DGLUCY: variants seen among roughly 807,000 people sequenced by gnomAD.
DGLUCY encodes the protein D-glutamate cyclase, mitochondrial.
In DGLUCY, 58 loss-of-function variants were observed where a neutral mutation model predicts 58.5. That is an observed-to-expected ratio of 0.99 (90% CI 0.80 to 1.23). The LOEUF is 1.23. DGLUCY is among the 50% of genes most tolerant of loss of function. The pLI is 0.00. For missense variants in DGLUCY, 779 were observed against 784.7 expected (o/e 0.99, Z 0.09); for synonymous variants, 325 against 314.1 (o/e 1.03, Z -0.37).
At chr14:91,067,273 G>C (rs2043839912) in intron 1 of DGLUCY, among the ~76,000 whole-genome samples, 1 of 151,980 alleles carries the variant, frequency 6.6e-6, no homozygotes, top group East Asian at 1.9e-4. Flanking sequence ...GGAGAGATGA[G>C]AAGTTTAGGT....
At chr14:91,084,204 CTTT>C (rs35881437) in intron 1 of DGLUCY, among the ~76,000 whole-genome samples, 9 of 136,616 alleles carry the variant, frequency 6.6e-5, no homozygotes, top group Admixed American at 7.4e-5. Context: ...ATCTGTCTCT[CTTT>C]TTTTTTTTTT....
intron 13 of DGLUCY, chr14:91,220,611 C>T (rs547609417): frequency 6.1e-4 from 277 of 456,316 alleles, no homozygotes; most frequent in Admixed American, 1.1e-3. Flanking sequence ...TGTCTTTCCC[C>T]GTGTGGCTGG....
intron 3 of DGLUCY, among the ~76,000 whole-genome samples, chr14:91,163,897 A>G (rs1361431795): frequency 6.6e-6 from 1 of 152,206 alleles, no homozygotes; most frequent in Non-Finnish European, 1.5e-5. Context: ...ACATGGGTTG[A>G]TAGAGCAAAT....
intron 3 of DGLUCY, chr14:91,165,302 A>G (rs2048215972): frequency 2.2e-6 from 1 of 455,858 alleles, no homozygotes; most frequent in South Asian, 1.6e-5. Context: ...GGTGCTCAAT[A>G]ACTTACATAC....
chr14:91,084,776 G>A (rs1354278122), intron 1 of DGLUCY, among the ~76,000 whole-genome samples: 1 of 152,218 alleles, frequency 6.6e-6, no homozygotes, highest in Non-Finnish European at 1.5e-5. Context: ...TGAAGTGGGT[G>A]TGAGGATGTG....
intron 13 of DGLUCY, among the ~76,000 whole-genome samples, chr14:91,217,390 G>A (rs1208222688): frequency 1.3e-5 from 2 of 152,132 alleles, no homozygotes; most frequent in East Asian, 1.9e-4. Flanking sequence ...CCGAGATTGG[G>A]TGGGTGGTCG....
At chr14:91,072,707 GA>G (rs1365547161) in intron 1 of DGLUCY, among the ~76,000 whole-genome samples, 1 of 150,088 alleles carries the variant, frequency 6.7e-6, no homozygotes, top group East Asian at 1.9e-4. Context: ...AAGCTTTTTA[GA>G]AAAGCTCATT....
chr14:91,100,755 C>G lies in DGLUCY; in HGVS notation c.-82+40051C>G, dbSNP rs190551913. Reference sequence around the variant, plus strand: ...CTAGGAATCTGTGTTTTAACAAGCTCTCCAGTGAATTCTTTTTTTACAAAT... The same window carrying G: ...CTAGGAATCTGTGTTTTAACAAGCTGTCCAGTGAATTCTTTTTTTACAAAT... On this transcript the variant is annotated intron_variant, in intron 1 of 4. Transcript: ENST00000521334. Among the ~76,000 whole-genome samples the G allele has an allele frequency of 6.1e-4, 93 of 152,272 alleles. 2 individuals are homozygous for G. In the East Asian group the frequency reaches 0.017, roughly 28 times the overall value.
intron 1 of DGLUCY, among the ~76,000 whole-genome samples, chr14:91,156,094 A>G (rs2047603726): frequency 6.6e-6 from 1 of 151,700 alleles, no homozygotes. Context: ...ATTTCAGATA[A>G]GGTGTGTAGG....
chr14:91,224,227 G>C (rs1887902906), intron 13 of DGLUCY, among the ~76,000 whole-genome samples: 1 of 152,182 alleles, frequency 6.6e-6, no homozygotes, highest in African/African-American at 2.4e-5. Context: ...CTTCAGTGTT[G>C]GTTAAGGAAA....
At chr14:91,171,017 C>T (rs1454143851) in intron 5 of DGLUCY, among the ~76,000 whole-genome samples, 5 of 152,114 alleles carry the variant, frequency 3.3e-5, no homozygotes, top group South Asian at 2.1e-4. Context: ...GTGAAGTGTG[C>T]CCGAGCGGTT....
intron 1 of DGLUCY, among the ~76,000 whole-genome samples, chr14:91,157,292 T>TGG: frequency 1.4e-5 from 2 of 147,158 alleles, no homozygotes; most frequent in Admixed American, 6.8e-5. Context: ...GGTGGGTGGA[T>TGG]AGATGGATGG....
upstream of DGLUCY, among the ~76,000 whole-genome samples, chr14:91,111,202 ATG>A (rs71120113): frequency 1.6e-3 from 75 of 46,348 alleles, no homozygotes; most frequent in African/African-American, 3.6e-3. Flanking sequence ...ATTTATATAT[ATG>A]TGTGTGTGTG....
intron 1 of DGLUCY, among the ~76,000 whole-genome samples, chr14:91,068,079 G>GCACACACACACACACACACA (rs57428509): frequency 6.8e-6 from 1 of 146,342 alleles, no homozygotes; most frequent in African/African-American, 2.6e-5. Flanking sequence ...ACACGCGCAC[G>GCACACACACACACACACACA]CACACACACA....
chr14:91,163,808 T>C (rs2048124090), intron 3 of DGLUCY, among the ~76,000 whole-genome samples: 1 of 152,096 alleles, frequency 6.6e-6, no homozygotes, highest in Non-Finnish European at 1.5e-5. Flanking sequence ...CTTGTGCAAA[T>C]GACTTGGCAT....
intron 1 of DGLUCY, among the ~76,000 whole-genome samples, chr14:91,074,309 A>AT (rs1566930646): frequency 4.5e-4 from 63 of 141,550 alleles, no homozygotes; most frequent in African/African-American, 1.1e-3. Flanking sequence ...AAAAAAAAAA[A>AT]AAAATATATA....
At chr14:91,191,317 T>A (rs903955973) in intron 9 of DGLUCY, among the ~76,000 whole-genome samples, 3 of 151,996 alleles carry the variant, frequency 2.0e-5, no homozygotes, top group African/African-American at 7.3e-5. Context: ...TGGGGAGAGT[T>A]GTTTATAGGT....
intron 13 of DGLUCY, among the ~76,000 whole-genome samples, chr14:91,220,990 A>C (rs1469438298): frequency 6.6e-6 from 1 of 152,166 alleles, no homozygotes; most frequent in Non-Finnish European, 1.5e-5. Flanking sequence ...GACTTCCCCC[A>C]CCTCAACCCA....
chr14:91,085,859 A>G (rs2044208500), intron 1 of DGLUCY, among the ~76,000 whole-genome samples: 1 of 152,112 alleles, frequency 6.6e-6, no homozygotes. Flanking sequence ...ATGAGCCACC[A>G]TGCCTGGCCC....
Sources: allele counts gnomAD v4.1 joint callset (sites outside exome capture counted in the v4.1 genomes callset), GRCh38; gene constraint gnomAD v4.1.1; transcripts MANE v1.5; gene names NCBI Gene and HGNC (gene_info 2026-07-23, HGNC 2026-07-21).